STX5: variants seen among roughly 807,000 people sequenced by gnomAD.
STX5 encodes the protein syntaxin 5, also known as syntaxin-5.
STX5 carries 15 observed loss-of-function variants against 42.9 expected under a neutral mutation model. The ratio of observed to expected loss-of-function variants is 0.35; its 90% confidence interval spans 0.23 to 0.54. The LOEUF is 0.54. Among genes scored for constraint, STX5 ranks in the 20% least tolerant of loss-of-function variants. The probability of loss-of-function intolerance (pLI) is 0.91; values close to 1 mark genes in which losing one functional copy is unlikely to be tolerated. For synonymous variants in STX5, 184 were observed against 173.2 expected (o/e 1.06, Z -0.49); for missense variants, 430 against 455.0 (o/e 0.95, Z 0.50).
At position 62,807,258 on chromosome 11, in the gene STX5, C is replaced by G; in HGVS notation, c.*211G>C. 1.5e-6 allele frequency: 1 copy of G among 645,162 alleles called. No individual in the cohort carries two copies. The highest frequency in any genetic ancestry group is 2.4e-5 in the South Asian group (1 of 42,324). 40.0% of individuals were successfully genotyped at this position (645,162 alleles called of 1,614,324 possible). On this transcript the variant is annotated 3_prime_UTR_variant, in exon 11 of 11. Coordinates refer to ENST00000294179, the MANE Select transcript of STX5 (RefSeq NM_003164.5). ...CACAGCAGAGTTCAAATCTAGAACC[C>G]TGTGTGTTTCATAGGCCTGAGGGTG...
At chr11:62,827,116 G>A in intron 5 of STX5, 39 bp downstream of exon 5, 1 of 1,587,804 alleles carries the variant, frequency 6.3e-7, no homozygotes, top group Non-Finnish European at 8.6e-7. Context: ...GAAGTGATCT[G>A]ATTGGAATGC....
intron 5 of STX5, 142 bp from the exon 6 acceptor site, chr11:62,825,681 G>A: frequency 2.6e-6 from 2 of 759,794 alleles, no homozygotes; most frequent in East Asian, 2.5e-5. Flanking sequence ...CAGACCAGAT[G>A]GGCCTGCTAG....
intron 10 of STX5, among the ~76,000 whole-genome samples, chr11:62,820,598 C>T (rs1043828883): frequency 2.6e-5 from 4 of 151,162 alleles, no homozygotes; most frequent in African/African-American, 4.9e-5. Context: ...CTCACTGCTC[C>T]GCCTCCTGGG....
intron 10 of STX5, among the ~76,000 whole-genome samples, chr11:62,809,341 C>A (rs2084590061): frequency 6.8e-6 from 1 of 146,866 alleles, no homozygotes; most frequent in Non-Finnish European, 1.5e-5. Flanking sequence ...GGGCTGATTA[C>A]TGGATCATGT....
chr11:62,813,771 G>C (rs193212502), intron 10 of STX5, among the ~76,000 whole-genome samples: 43 of 152,254 alleles, frequency 2.8e-4, no homozygotes, highest in Admixed American at 4.6e-4. Flanking sequence ...TTAATGAGCT[G>C]AGAAGACTGA....
At chr11:62,812,379 C>T (rs955287220) in intron 10 of STX5, among the ~76,000 whole-genome samples, 6 of 151,656 alleles carry the variant, frequency 4.0e-5, no homozygotes, top group Non-Finnish European at 8.8e-5. Context: ...GCCTGGCCCT[C>T]CATATCTTTT....
At chr11:62,829,077 CAAACAAACA>C (rs2084827053) in intron 2 of STX5, among the ~76,000 whole-genome samples, 1 of 151,618 alleles carries the variant, frequency 6.6e-6, no homozygotes, top group Non-Finnish European at 1.5e-5. Flanking sequence ...AACAAACAAA[CAAACAAACA>C]AACAAACACA....
At chr11:62,825,941 C>T (rs1358253546) in intron 5 of STX5, among the ~76,000 whole-genome samples, 2 of 152,120 alleles carry the variant, frequency 1.3e-5, no homozygotes, top group South Asian at 2.1e-4. Context: ...ACTGTAGTTT[C>T]GAGAGGCATC....
intron 10 of STX5, among the ~76,000 whole-genome samples, chr11:62,809,673 CAAAAAAAAAAAA>C (rs749188946): frequency 0.017 from 331 of 19,154 alleles, 1 homozygote; most frequent in Non-Finnish European, 0.03. Context: ...GACTCTGTCT[CAAAAAAAAAAAA>C]AAAAAAAAAA....
At chr11:62,823,977 C>G in intron 10 of STX5, 189 bp downstream of exon 10, 1 of 808,656 alleles carries the variant, frequency 1.2e-6, no homozygotes, top group Non-Finnish European at 1.9e-6. Flanking sequence ...GCACCTGGAA[C>G]AGTGCCTCAC....
At chr11:62,823,532 T>C (rs2134843367) in intron 10 of STX5, among the ~76,000 whole-genome samples, 1 of 151,916 alleles carries the variant, frequency 6.6e-6, no homozygotes, top group Non-Finnish European at 1.5e-5. Context: ...TCCCTGAAAT[T>C]TTGTTGGTCA....
At position 62,807,507 on chromosome 11, in the gene STX5, TG is replaced by T. The variant is rs1428388160; in HGVS notation, c.1029del (p.Ile344LeufsTer18). The T allele has an allele frequency of 6.2e-7, 1 of 1,613,636 alleles. No individual in the cohort carries two copies. Among genetic ancestry groups the T allele is most frequent in the Non-Finnish European group, 8.5e-7 (1 of 1,179,930 alleles). On this transcript the variant is annotated frameshift_variant, in exon 11 of 11. Transcript: ENST00000294179. LOFTEE classifies it high-confidence loss of function. ...ACCACAAAGATGATGAAGAAGACAA[TG>T]AGGATGAGGAAGATTTTGACCATGA... ...RWLMVKIFLI[L>X]IVFFIIFVVF...
chr11:62,819,906 T>C (rs1277392147), intron 10 of STX5, among the ~76,000 whole-genome samples: 2 of 151,360 alleles, frequency 1.3e-5, no homozygotes, highest in African/African-American at 4.9e-5. Flanking sequence ...TTCACCATTT[T>C]GGCCAAGCAG....
intron 10 of STX5, among the ~76,000 whole-genome samples, chr11:62,811,559 T>C (rs1214185928): frequency 6.6e-6 from 1 of 152,198 alleles, no homozygotes; most frequent in Non-Finnish European, 1.5e-5. Flanking sequence ...CTTTCCCCTT[T>C]TTGGGCTGGC....
chr11:62,816,863 CCAGCCTGG>C (rs2084679581), intron 10 of STX5, among the ~76,000 whole-genome samples: 1 of 151,574 alleles, frequency 6.6e-6, no homozygotes, highest in Non-Finnish European at 1.5e-5. Context: ...CCACTACACT[CCAGCCTGG>C]CAACACAGCA....
chr11:62,821,298 C>T (rs1247568551), intron 10 of STX5, among the ~76,000 whole-genome samples: 1 of 151,942 alleles, frequency 6.6e-6, no homozygotes, highest in Non-Finnish European at 1.5e-5. Context: ...CAGAGCGAAA[C>T]TCCATTTCAA....
At chr11:62,823,990 G>T (rs545173216) in intron 10 of STX5, 176 bp downstream of exon 10, 21 of 948,684 alleles carry the variant, frequency 2.2e-5, no homozygotes, top group Admixed American at 4.8e-5. Flanking sequence ...TGCCTCACAT[G>T]AACAGGTGCT....
chr11:62,812,594 T>C (rs1392102492), intron 10 of STX5, among the ~76,000 whole-genome samples: 1 of 151,730 alleles, frequency 6.6e-6, no homozygotes, highest in Non-Finnish European at 1.5e-5. Context: ...AATTTTTTTG[T>C]ATTTTTTTTA....
rs1403952949 is a variant in STX5 at position 62,812,945 on chromosome 11, C to T, written c.909-5317G>A. On this transcript the variant is annotated intron_variant, in intron 10 of 10. Coordinates refer to ENST00000294179, the MANE Select transcript of STX5 (RefSeq NM_003164.5). ...TGGCCAATATGGTGACACCCCATCT[C>T]TACTAAAAATACAAAAATTATCCGG... 2.6e-5 allele frequency among the ~76,000 whole-genome samples: 4 copies of T among 151,602 alleles called. No individual in the cohort carries two copies. In the East Asian group the frequency reaches 7.9e-4, roughly 30 times the overall value.
Sources: allele counts gnomAD v4.1 joint callset (sites outside exome capture counted in the v4.1 genomes callset), GRCh38; gene constraint gnomAD v4.1.1; transcripts MANE v1.5; gene names NCBI Gene and HGNC (gene_info 2026-07-23, HGNC 2026-07-21).